The following PTPRJ variants were observed in gnomAD, a reference collection of about 807,000 sequenced individuals.
The protein encoded by PTPRJ is protein tyrosine phosphatase receptor type J.
In PTPRJ, 129 loss-of-function variants were observed where a neutral mutation model predicts 141.3. The ratio of observed to expected loss-of-function variants is 0.91; its 90% CI spans 0.79 to 1.06. PTPRJ has a LOEUF of 1.06. Ranked by LOEUF, PTPRJ falls within the 50% of genes least tolerant of loss-of-function variation. The pLI, the probability that PTPRJ is intolerant of heterozygous loss-of-function variation, is 0.00. For synonymous variants in PTPRJ, 610 were observed against 640.5 expected, an observed-to-expected ratio of 0.95 and a Z score of 0.72; for missense variants, 1,601 against 1,679.7, an observed-to-expected ratio of 0.95 and a Z score of 0.82.
At chr11:48,129,301 G>A (rs1856914650) in intron 7 of PTPRJ, among the ~76,000 whole-genome samples, 1 of 152,224 alleles carries the variant, frequency 6.6e-6, no homozygotes, top group Admixed American at 6.5e-5. Flanking sequence ...GAAGGTCAAA[G>A]ATTAAGGCAA....
At chr11:47,995,045 C>T (rs780408582) in intron 1 of PTPRJ, among the ~76,000 whole-genome samples, 1 of 152,144 alleles carries the variant, frequency 6.6e-6, no homozygotes, top group Non-Finnish European at 1.5e-5. Context: ...TAACTGTTAG[C>T]TGTTGCATCC....
At chr11:48,097,580 T>C (rs1009753636) in intron 1 of PTPRJ, among the ~76,000 whole-genome samples, 1 of 151,910 alleles carries the variant, frequency 6.6e-6, no homozygotes, top group Non-Finnish European at 1.5e-5. Flanking sequence ...CTTTGTTGCA[T>C]GGGCTGGAGT....
chr11:48,118,997 G>A (rs929379944), intron 3 of PTPRJ, among the ~76,000 whole-genome samples: 8 of 133,970 alleles, frequency 6.0e-5, no homozygotes, highest in African/African-American at 2.2e-4. Context: ...TCCAGTCTGG[G>A]TGACGAGCAA....
intron 1 of PTPRJ, among the ~76,000 whole-genome samples, chr11:48,079,735 G>T (rs2134283510): frequency 6.6e-6 from 1 of 152,240 alleles, no homozygotes; most frequent in South Asian, 2.1e-4. Flanking sequence ...CTTTGTTTCT[G>T]GCTGTGTTCA....
At chr11:47,993,582 C>T (rs534158196) in intron 1 of PTPRJ, among the ~76,000 whole-genome samples, 26 of 152,008 alleles carry the variant, frequency 1.7e-4, no homozygotes, top group African/African-American at 5.8e-4. Flanking sequence ...GCTGAGTCAC[C>T]GTACCCAGCC....
At chr11:48,151,761 T>C (rs947084059) in intron 18 of PTPRJ, among the ~76,000 whole-genome samples, 1 of 152,142 alleles carries the variant, frequency 6.6e-6, no homozygotes, top group Non-Finnish European at 1.5e-5. Flanking sequence ...TCCATGTCCC[T>C]ACAAAGGACC....
chr11:48,150,031 G>T (rs915248114), intron 17 of PTPRJ, 33 bp downstream of exon 17: 4 of 1,518,132 alleles, frequency 2.6e-6, no homozygotes, highest in South Asian at 2.3e-5. Flanking sequence ...TTAATAACTT[G>T]TACTTTTCTA....
chr11:48,075,929 C>A (rs1177125217), intron 1 of PTPRJ, among the ~76,000 whole-genome samples: 1 of 152,202 alleles, frequency 6.6e-6, no homozygotes, highest in Non-Finnish European at 1.5e-5. Context: ...GTGTTTGAGC[C>A]TCCTGCATGG....
intron 6 of PTPRJ, 109 bp from the exon 7 acceptor site, chr11:48,127,671 A>G: frequency 8.6e-7 from 1 of 1,157,818 alleles, no homozygotes; most frequent in Non-Finnish European, 1.3e-6. Flanking sequence ...AGGAGGAAGG[A>G]ACACTCCCCC....
At chr11:48,064,217 A>T (rs1855016342) in intron 1 of PTPRJ, among the ~76,000 whole-genome samples, 3 of 152,092 alleles carry the variant, frequency 2.0e-5, no homozygotes, top group African/African-American at 7.2e-5. Context: ...ACTGTGCATC[A>T]AATGGGTCCT....
At chr11:48,058,408 G>A (rs1029420001) in intron 1 of PTPRJ, among the ~76,000 whole-genome samples, 8 of 151,760 alleles carry the variant, frequency 5.3e-5, no homozygotes, top group African/African-American at 1.2e-4. Flanking sequence ...ATGGGATCTC[G>A]CTATGTTGCC....
intron 1 of PTPRJ, among the ~76,000 whole-genome samples, chr11:48,107,756 C>T (rs533405409): frequency 1.2e-4 from 19 of 152,268 alleles, no homozygotes; most frequent in Admixed American, 7.9e-4. Context: ...GCCTCCGTGC[C>T]CTCTGCAACT....
intron 18 of PTPRJ, among the ~76,000 whole-genome samples, chr11:48,152,264 CA>C (rs1857502307): frequency 6.6e-6 from 1 of 152,140 alleles, no homozygotes; most frequent in Non-Finnish European, 1.5e-5. Flanking sequence ...AGTGTCTGTT[CA>C]TATCCTTCGC....
intron 1 of PTPRJ, among the ~76,000 whole-genome samples, chr11:48,049,661 C>CCGAGAT (rs1030297349): frequency 6.6e-6 from 1 of 150,896 alleles, no homozygotes; most frequent in African/African-American, 2.4e-5. Context: ...TTGCAGTGAG[C>CCGAGAT]CGAGATCGCG....
chr11:48,128,154 A>G, intron 7 of PTPRJ, 111 bp downstream of exon 7: 1 of 1,353,008 alleles, frequency 7.4e-7, no homozygotes, highest in Non-Finnish European at 1.0e-6. Flanking sequence ...CCACACGCCA[A>G]GCTTCGTGTG....
At chr11:48,038,951 C>T (rs1420471908) in intron 1 of PTPRJ, among the ~76,000 whole-genome samples, 2 of 150,776 alleles carry the variant, frequency 1.3e-5, no homozygotes, top group African/African-American at 4.9e-5. Flanking sequence ...GAGTTCGAGA[C>T]CAGCCTGGCC....
intron 7 of PTPRJ, among the ~76,000 whole-genome samples, chr11:48,129,995 C>T (rs140420332): frequency 5.4e-4 from 72 of 133,646 alleles, no homozygotes; most frequent in Non-Finnish European, 8.5e-4. Flanking sequence ...TCTTTGTTTC[C>T]AACAGGTATG....
At chr11:48,109,766 G>C (rs901846256) in intron 1 of PTPRJ, among the ~76,000 whole-genome samples, 3 of 151,890 alleles carry the variant, frequency 2.0e-5, no homozygotes, top group Non-Finnish European at 4.4e-5. Flanking sequence ...GAGTTGCTCC[G>C]GGGAGAGGGC....
intron 1 of PTPRJ, among the ~76,000 whole-genome samples, chr11:48,061,559 G>A (rs1854924038): frequency 6.6e-6 from 1 of 152,172 alleles, no homozygotes; most frequent in Non-Finnish European, 1.5e-5. Flanking sequence ...GGTGGATGAG[G>A]AAACAGTCTG....
Sources: allele counts gnomAD v4.1 joint callset (sites outside exome capture counted in the v4.1 genomes callset), GRCh38; gene constraint gnomAD v4.1.1; transcripts MANE v1.5; gene names NCBI Gene and HGNC (gene_info 2026-07-23, HGNC 2026-07-21).